Variants in RAD54B observed in about 807,000 individuals in gnomAD.
RAD54B encodes the protein DNA repair and recombination protein RAD54B.
Under a neutral mutation model 95.8 loss-of-function variants are expected in RAD54B, and 78 were observed. The observed-to-expected ratio is 0.81, with a 90% confidence interval of 0.68 to 0.98. The LOEUF is 0.98. Ranked by LOEUF, RAD54B falls within the 50% of genes least tolerant of loss-of-function variation. RAD54B has a pLI of 0.00. For missense variants in RAD54B, 957 were observed against 1,056.6 expected, an observed-to-expected ratio of 0.91 and a Z score of 1.31; for synonymous variants, 328 against 354.9, an observed-to-expected ratio of 0.92 and a Z score of 0.85.
intron 3 of RAD54B, among the ~76,000 whole-genome samples, chr8:94,421,545 C>G (rs1397582861): frequency 6.6e-6 from 1 of 152,180 alleles, no homozygotes; most frequent in African/African-American, 2.4e-5. Context: ...AATTGCCTCC[C>G]AGACATGTCC....
At chr8:94,430,540 GT>G in intron 3 of RAD54B, 2 of 787,120 alleles carry the variant, frequency 2.5e-6, no homozygotes, top group Non-Finnish European at 3.1e-6. Context: ...CACCCCCAGG[GT>G]TTCTAATTCA....
At chr8:94,459,538 G>C (rs140414884) in intron 2 of RAD54B, among the ~76,000 whole-genome samples, 1,663 of 152,206 alleles carry the variant, frequency 0.011, 19 homozygotes, top group Non-Finnish European at 0.019. Context: ...TAAGAAGGGA[G>C]GGACTTGAGC....
chr8:94,416,611 C>T (rs988400308), intron 3 of RAD54B, among the ~76,000 whole-genome samples: 2 of 151,306 alleles, frequency 1.3e-5, no homozygotes, highest in African/African-American at 4.9e-5. Context: ...TATATACAAA[C>T]AACCAATAAG....
intron 7 of RAD54B, 100 bp downstream of exon 7, chr8:94,400,138 G>T (rs113645107): frequency 2.0e-6 from 2 of 1,012,298 alleles, no homozygotes; most frequent in Non-Finnish European, 2.9e-6. Context: ...CTCCATTTTT[G>T]TGCAAAAGGG....
intron 6 of RAD54B, among the ~76,000 whole-genome samples, chr8:94,401,047 T>G (rs1022551453): frequency 4.6e-5 from 7 of 152,192 alleles, no homozygotes; most frequent in African/African-American, 1.7e-4. Context: ...AGAGATATTA[T>G]TAGTAAGACC....
chr8:94,428,643 T>C, intron 3 of RAD54B: 1 of 710,354 alleles, frequency 1.4e-6, no homozygotes, highest in Non-Finnish European at 1.7e-6. Flanking sequence ...CTTTTTATTG[T>C]TGTACTGTTA....
At chr8:94,434,896 GTGTGAATATTGTAAATAT>G (rs1812213490) in intron 3 of RAD54B, among the ~76,000 whole-genome samples, 2 of 151,192 alleles carry the variant, frequency 1.3e-5, no homozygotes, top group South Asian at 4.2e-4. Flanking sequence ...GATTTTTTGT[GTGTGAATATTGTAAATAT>G]TCACACACAC....
chr8:94,393,985 C>G lies in RAD54B; in HGVS notation c.1379-103G>C, dbSNP rs1045979491. 9.2e-6 allele frequency: 10 copies of G among 1,088,972 alleles called. 1 individual carries two copies. In the African/African-American group the frequency reaches 1.6e-4, roughly 17 times the overall value. 67.5% of individuals were successfully genotyped at this position (1,088,972 alleles called of 1,614,324 possible). Reference sequence around the variant, plus strand: ...ATGGAAGTTTGGAGAAATTTATTCCCTAAAAGGAATAAATACAAGCAAATT... The same window carrying G: ...ATGGAAGTTTGGAGAAATTTATTCCGTAAAAGGAATAAATACAAGCAAATT... On this transcript the variant is annotated intron_variant, in intron 8 of 14. Coordinates refer to ENST00000336148, the MANE Select transcript of RAD54B (RefSeq NM_012415.3).
At chr8:94,432,314 C>T (rs1812120662) in intron 3 of RAD54B, 2 of 1,550,150 alleles carry the variant, frequency 1.3e-6, no homozygotes, top group Non-Finnish European at 1.7e-6. Flanking sequence ...GCTCCTCTTT[C>T]AACATTTGCA....
intron 10 of RAD54B, among the ~76,000 whole-genome samples, chr8:94,388,213 CT>C (rs1425972968): frequency 6.6e-6 from 1 of 152,184 alleles, no homozygotes; most frequent in Non-Finnish European, 1.5e-5. Context: ...GCCACCACCC[CT>C]GATACAGCAA....
intron 2 of RAD54B, among the ~76,000 whole-genome samples, chr8:94,460,927 T>C (rs1812885557): frequency 6.6e-6 from 1 of 152,082 alleles, no homozygotes; most frequent in African/African-American, 2.4e-5. Context: ...CTTATAATTA[T>C]AATGGGCCCA....
At chr8:94,383,818 C>A (rs949370250) in intron 11 of RAD54B, among the ~76,000 whole-genome samples, 1 of 152,102 alleles carries the variant, frequency 6.6e-6, no homozygotes, top group Non-Finnish European at 1.5e-5. Flanking sequence ...ATCAAAACTA[C>A]AATGATATCC....
intron 3 of RAD54B, chr8:94,428,050 T>C (rs1323718160): frequency 1.1e-6 from 1 of 948,130 alleles, no homozygotes; most frequent in Non-Finnish European, 1.3e-6. Flanking sequence ...TTTCTCAGGA[T>C]GTCATTATAA....
At chr8:94,403,046 T>A (rs1264794588) in intron 6 of RAD54B, among the ~76,000 whole-genome samples, 1 of 152,112 alleles carries the variant, frequency 6.6e-6, no homozygotes, top group Non-Finnish European at 1.5e-5. Context: ...GAAATATGAG[T>A]CTAGTTAACA....
chr8:94,435,886 C>T (rs1244559880), intron 3 of RAD54B, among the ~76,000 whole-genome samples: 1 of 151,924 alleles, frequency 6.6e-6, no homozygotes, highest in African/African-American at 2.4e-5. Flanking sequence ...AAACTGAATC[C>T]CTAATTAGGC....
intron 3 of RAD54B, among the ~76,000 whole-genome samples, chr8:94,449,732 A>G (rs919133290): frequency 7.9e-5 from 12 of 152,172 alleles, no homozygotes; most frequent in African/African-American, 2.9e-4. Context: ...ATGATTTGGA[A>G]GGATGCATAT....
At chr8:94,454,537 T>G (rs1308858004) in intron 3 of RAD54B, among the ~76,000 whole-genome samples, 1 of 152,244 alleles carries the variant, frequency 6.6e-6, no homozygotes, top group Non-Finnish European at 1.5e-5. Flanking sequence ...TTGCTAAGTT[T>G]AAACTGCTAA....
chr8:94,404,734 G>GA (rs1428953302), intron 5 of RAD54B, among the ~76,000 whole-genome samples: 2 of 151,984 alleles, frequency 1.3e-5, no homozygotes, highest in Non-Finnish European at 2.9e-5. Context: ...TTAGAACTGA[G>GA]AAAAAATGAT....
At chr8:94,377,180 C>T (rs1810599246) in intron 14 of RAD54B, among the ~76,000 whole-genome samples, 1 of 152,110 alleles carries the variant, frequency 6.6e-6, no homozygotes, top group African/African-American at 2.4e-5. Context: ...TTCTGTACAA[C>T]ATAAACAACA....
Sources: allele counts gnomAD v4.1 joint callset (sites outside exome capture counted in the v4.1 genomes callset), GRCh38; gene constraint gnomAD v4.1.1; transcripts MANE v1.5; gene names NCBI Gene and HGNC (gene_info 2026-07-23, HGNC 2026-07-21).